The following WDFY2 variants were observed in gnomAD, a reference collection of about 807,000 sequenced individuals.
WDFY2 encodes WD repeat and FYVE domain containing 2.
WDFY2 carries 36 observed loss-of-function variants against 56.4 expected under a neutral mutation model. That is an observed-to-expected ratio of 0.64 (90% confidence interval 0.49 to 0.84). WDFY2 has a LOEUF of 0.84. Among genes scored for constraint, WDFY2 ranks in the 40% least tolerant of loss-of-function variants. The probability of loss-of-function intolerance (pLI) is 0.00; values close to 1 mark genes in which losing one functional copy is unlikely to be tolerated. For synonymous variants in WDFY2, 176 were observed against 183.7 expected (o/e 0.96, Z 0.34); for missense variants, 444 against 512.2 (o/e 0.87, Z 1.29).
rs1048836379 is a variant in WDFY2 at position 51,722,212 on chromosome 13, TCAAA to T, written c.485+2867_485+2870del. Among the ~76,000 whole-genome samples the T allele has an allele frequency of 5.9e-5, 9 of 152,188 alleles. 1 individual carries two copies. The South Asian group carries it at 1.5e-3, about 25-fold the overall frequency. On this transcript the variant is annotated intron_variant, in intron 5 of 11. Transcript: ENST00000298125. ...GAACTCATTCTCTTCTATCTCCACCTCAAACAGTCATTCAGCCAAGGCAACAAGT... is the reference window on the plus strand; with the variant it reads ...GAACTCATTCTCTTCTATCTCCACCTCAGTCATTCAGCCAAGGCAACAAGT...
chr13:51,690,709 T>C (rs971253308), intron 3 of WDFY2, among the ~76,000 whole-genome samples: 5 of 152,076 alleles, frequency 3.3e-5, no homozygotes, highest in East Asian at 1.9e-4. Context: ...GGGTATATAC[T>C]CAGTAATGGG....
At chr13:51,685,475 G>A (rs1000057081) in intron 3 of WDFY2, among the ~76,000 whole-genome samples, 8 of 152,218 alleles carry the variant, frequency 5.3e-5, no homozygotes, top group African/African-American at 9.6e-5. Flanking sequence ...GTAAACAGTC[G>A]AGTAACACAT....
intron 1 of WDFY2, among the ~76,000 whole-genome samples, chr13:51,594,595 C>T (rs1184021120): frequency 6.6e-6 from 1 of 152,206 alleles, no homozygotes; most frequent in Non-Finnish European, 1.5e-5. Flanking sequence ...ATTATTGTAG[C>T]TAATGAGTTT....
In WDFY2 at chr13:51,592,784, T is replaced by C. The variant is rs187306352; in HGVS notation, c.137+7960T>C. Among the ~76,000 whole-genome samples, 10 of 152,216 alleles carry C rather than the reference T, an allele frequency of 6.6e-5. 1 individual carries two copies. The East Asian group carries it at 1.9e-3, about 29-fold the overall frequency. On this transcript the variant is annotated intron_variant, in intron 1 of 11. Transcript: ENST00000298125. ...TCTAAGGATCAACTTAAATTTTAAA[T>C]AATCATCATAATAATCGCTCTGGAG...
At chr13:51,759,662 C>A in intron 11 of WDFY2, 78 bp from the exon 12 acceptor site, 1 of 1,431,946 alleles carries the variant, frequency 7.0e-7, no homozygotes, top group Non-Finnish European at 9.7e-7. Flanking sequence ...AAAAAATTTC[C>A]TTGAAGAATT....
intron 7 of WDFY2, among the ~76,000 whole-genome samples, chr13:51,742,117 G>A (rs1169622225): frequency 6.6e-6 from 1 of 152,186 alleles, no homozygotes; most frequent in African/African-American, 2.4e-5. Context: ...GTATGGAAAT[G>A]TCCAGCCATT....
At position 51,716,796 on chromosome 13, in the gene WDFY2, A is replaced by T. The variant is rs1952364076; in HGVS notation, c.335-2402A>T. On this transcript the variant is annotated intron_variant, in intron 4 of 11. Transcript: ENST00000298125. ...TCTCATGAAAAAAAAAAAAAAAACTAGCAAATTGACCCCAACCATATATTA... is the reference window on the plus strand; with the variant it reads ...TCTCATGAAAAAAAAAAAAAAAACTTGCAAATTGACCCCAACCATATATTA... Among the ~76,000 whole-genome samples, 7 of 151,028 alleles carry T rather than the reference A, an allele frequency of 4.6e-5. No homozygotes were observed. In the South Asian group the frequency reaches 1.5e-3, roughly 31 times the overall value.
At chr13:51,643,399 A>G (rs916782588) in intron 1 of WDFY2, among the ~76,000 whole-genome samples, 3 of 152,188 alleles carry the variant, frequency 2.0e-5, no homozygotes, top group African/African-American at 7.2e-5. Flanking sequence ...AGCATTTTTC[A>G]CATGCCTGCC....
chr13:51,631,419 A>C (rs1384819449), intron 1 of WDFY2, among the ~76,000 whole-genome samples: 3 of 151,770 alleles, frequency 2.0e-5, no homozygotes, highest in Non-Finnish European at 4.4e-5. Flanking sequence ...ATTTAAAAAG[A>C]AGGAAAACAA....
chr13:51,640,611 G>T (rs967118035), intron 1 of WDFY2, among the ~76,000 whole-genome samples: 2 of 152,192 alleles, frequency 1.3e-5, no homozygotes, highest in African/African-American at 2.4e-5. Flanking sequence ...CACTTTAGGA[G>T]GCTGAGGCGG....
intron 11 of WDFY2, among the ~76,000 whole-genome samples, chr13:51,759,295 G>A (rs1030431088): frequency 6.6e-5 from 10 of 152,056 alleles, no homozygotes; most frequent in African/African-American, 1.7e-4. Context: ...GACACAGCAC[G>A]TGCTTGGCGT....
intron 6 of WDFY2, 100 bp downstream of exon 6, chr13:51,727,890 A>G (rs1952639457): frequency 9.1e-7 from 1 of 1,094,734 alleles, no homozygotes; most frequent in Non-Finnish European, 1.3e-6. Context: ...GGCAAAGTAC[A>G]ATCCATGCTT....
chr13:51,733,068 C>T (rs2138670001), intron 6 of WDFY2, among the ~76,000 whole-genome samples: 1 of 152,302 alleles, frequency 6.6e-6, no homozygotes, highest in Middle Eastern at 3.4e-3. Context: ...CAGAGTCTTG[C>T]TCTGTCACCC....
chr13:51,708,039 AG>A (rs1952125137), intron 4 of WDFY2, among the ~76,000 whole-genome samples: 1 of 123,802 alleles, frequency 8.1e-6, no homozygotes, highest in South Asian at 2.8e-4. Flanking sequence ...GGCACACCCC[AG>A]GTTCAAGTAG....
rs140801862 is a variant in WDFY2 at position 51,647,490 on chromosome 13, C to T, written c.138-13106C>T. On this transcript the variant is annotated intron_variant, in intron 1 of 11. Coordinates refer to ENST00000298125, the MANE Select transcript of WDFY2 (RefSeq NM_052950.4). The stretch of plus-strand genomic sequence containing the variant: ...CTTAGGGGGACTAGGTTCAGTGGCT[C>T]ATGCCTGTAATCCCAGCTCTTTGGG... Among the ~76,000 whole-genome samples, 164 of 152,322 alleles carry T rather than the reference C, an allele frequency of 1.1e-3. 1 individual carries two copies. In the South Asian group the frequency reaches 0.015, roughly 14 times the overall value.
chr13:51,601,035 G>C (rs999839998), intron 1 of WDFY2, among the ~76,000 whole-genome samples: 1 of 152,124 alleles, frequency 6.6e-6, no homozygotes, highest in Non-Finnish European at 1.5e-5. Context: ...TGAATGTTCT[G>C]AGCAAAAGCC....
intron 1 of WDFY2, among the ~76,000 whole-genome samples, chr13:51,655,060 C>T (rs1350733682): frequency 6.6e-6 from 1 of 152,114 alleles, no homozygotes; most frequent in Non-Finnish European, 1.5e-5. Context: ...CACCTTGTAA[C>T]TTGGCTTAAT....
At chr13:51,726,288 A>G (rs913065585) in intron 5 of WDFY2, among the ~76,000 whole-genome samples, 4 of 152,188 alleles carry the variant, frequency 2.6e-5, no homozygotes, top group Non-Finnish European at 5.9e-5. Context: ...CTCCATTTTT[A>G]CCCCAGCTGC....
At chr13:51,589,378 G>A (rs1416674236) in intron 1 of WDFY2, 5 of 151,916 alleles carry the variant, frequency 3.3e-5, no homozygotes, top group Admixed American at 2.6e-4. Flanking sequence ...TTTTTTTCCT[G>A]ACTCTAAATT....
Sources: allele counts gnomAD v4.1 joint callset (sites outside exome capture counted in the v4.1 genomes callset), GRCh38; gene constraint gnomAD v4.1.1; transcripts MANE v1.5; gene names NCBI Gene and HGNC (gene_info 2026-07-23, HGNC 2026-07-21).